DIS3L2: variants seen among roughly 807,000 people sequenced by gnomAD.
The protein encoded by DIS3L2 is DIS3-like exonuclease 2.
Under a neutral mutation model 97.5 loss-of-function variants are expected in DIS3L2, and 34 were observed. The ratio of observed to expected loss-of-function variants is 0.35; its 90% CI spans 0.27 to 0.46. The LOEUF is 0.46. Among genes scored for constraint, DIS3L2 ranks in the 20% least tolerant of loss-of-function variants. The pLI, the probability that DIS3L2 is intolerant of heterozygous loss-of-function variation, is 1.00. For synonymous variants in DIS3L2, 435 were observed against 445.2 expected (o/e 0.98, Z 0.29); for missense variants, 1,038 against 1,146.0 (o/e 0.91, Z 1.36).
At chr2:231,974,663 G>A (rs1393510636) in intron 1 of DIS3L2, among the ~76,000 whole-genome samples, 2 of 151,044 alleles carry the variant, frequency 1.3e-5, no homozygotes, top group Non-Finnish European at 2.9e-5. Flanking sequence ...AAACATGTAA[G>A]GTATATGTAT....
At chr2:232,153,607 G>A (rs1211011846) in intron 8 of DIS3L2, among the ~76,000 whole-genome samples, 3 of 83,608 alleles carry the variant, frequency 3.6e-5, no homozygotes, top group African/African-American at 5.2e-5. Flanking sequence ...AGGGTAACCC[G>A]ACCTTTCTCT....
intron 1 of DIS3L2, among the ~76,000 whole-genome samples, chr2:231,968,111 T>G (rs1477241134): frequency 6.6e-6 from 1 of 151,542 alleles, no homozygotes; most frequent in East Asian, 1.9e-4. Flanking sequence ...TTTTTTTTTT[T>G]TTTTGAGACA....
At chr2:232,001,982 A>G (rs754842188) in intron 1 of DIS3L2, among the ~76,000 whole-genome samples, 2 of 152,028 alleles carry the variant, frequency 1.3e-5, no homozygotes, top group Non-Finnish European at 2.9e-5. Flanking sequence ...TGGCCTCCCA[A>G]AGTGCTGGGA....
chr2:231,968,756 G>A (rs1250921923), intron 1 of DIS3L2, among the ~76,000 whole-genome samples: 1 of 152,114 alleles, frequency 6.6e-6, no homozygotes, highest in East Asian at 1.9e-4. Context: ...TCATATAATA[G>A]GTATATGCTT....
intron 1 of DIS3L2, among the ~76,000 whole-genome samples, chr2:231,974,409 T>C (rs1434630985): frequency 6.6e-6 from 1 of 152,162 alleles, no homozygotes; most frequent in Admixed American, 6.5e-5. Flanking sequence ...TTGTTTCATT[T>C]TGGATAATTT....
downstream of DIS3L2, among the ~76,000 whole-genome samples, chr2:232,337,448 AG>A (rs1431453764): frequency 1.3e-5 from 2 of 151,674 alleles, no homozygotes; most frequent in African/African-American, 2.4e-5. Flanking sequence ...GGGGGAGGGG[AG>A]GAGGGCCCTC....
At chr2:232,056,366 AAACAACAAC>A (rs147366104) in intron 5 of DIS3L2, among the ~76,000 whole-genome samples, 74 of 149,152 alleles carry the variant, frequency 5.0e-4, no homozygotes, top group Middle Eastern at 6.9e-3. Flanking sequence ...CTCCATCTCA[AAACAACAAC>A]AACAACAACA....
chr2:232,095,958 TTCTC>T (rs1476222453), intron 6 of DIS3L2, among the ~76,000 whole-genome samples: 1 of 151,934 alleles, frequency 6.6e-6, no homozygotes, highest in Non-Finnish European at 1.5e-5. Context: ...GTTTGTTTGT[TTCTC>T]TCTCTTTTCT....
intron 10 of DIS3L2, among the ~76,000 whole-genome samples, chr2:232,220,269 A>G (rs915170831): frequency 1.4e-4 from 22 of 152,176 alleles, no homozygotes; most frequent in African/African-American, 5.1e-4. Context: ...AGATGGCGCC[A>G]CTGCACTCCA....
intron 10 of DIS3L2, among the ~76,000 whole-genome samples, chr2:232,224,322 C>A (rs907093884): frequency 1.3e-5 from 2 of 152,126 alleles, no homozygotes; most frequent in Admixed American, 1.3e-4. Flanking sequence ...GTTTTGACCC[C>A]TACTTTATAC....
At chr2:231,990,948 A>G (rs1693567926) in intron 1 of DIS3L2, among the ~76,000 whole-genome samples, 2 of 152,120 alleles carry the variant, frequency 1.3e-5, no homozygotes, top group African/African-American at 4.8e-5. Flanking sequence ...AGCGAGAGAA[A>G]GTTTAGTTGT....
chr2:232,095,037 G>A (rs894364964), intron 6 of DIS3L2, among the ~76,000 whole-genome samples: 3 of 152,046 alleles, frequency 2.0e-5, no homozygotes, highest in Non-Finnish European at 2.9e-5. Context: ...TTCAGTTGAT[G>A]TGTGTCTTTA....
At chr2:231,981,717 G>A (rs1335003050) in intron 1 of DIS3L2, among the ~76,000 whole-genome samples, 1 of 147,468 alleles carries the variant, frequency 6.8e-6, no homozygotes, top group African/African-American at 2.5e-5. Context: ...TGCTTATTAA[G>A]TGTCCTTTTT....
At chr2:231,993,483 G>A (rs1431196300) in intron 1 of DIS3L2, among the ~76,000 whole-genome samples, 1 of 152,050 alleles carries the variant, frequency 6.6e-6, no homozygotes, top group Admixed American at 6.5e-5. Context: ...CAAAGTGCTG[G>A]GATTACAAGT....
intron 13 of DIS3L2, among the ~76,000 whole-genome samples, chr2:232,265,442 A>G (rs1273305542): frequency 6.6e-6 from 1 of 152,180 alleles, no homozygotes; most frequent in Non-Finnish European, 1.5e-5. Context: ...GCCCCACAAT[A>G]TCTCAGCCAG....
chr2:232,316,928 C>A (rs1237071968), intron 14 of DIS3L2, among the ~76,000 whole-genome samples: 2 of 152,272 alleles, frequency 1.3e-5, no homozygotes, highest in East Asian at 3.9e-4. Flanking sequence ...TGTACCGTTC[C>A]TGAAGAGGAA....
rs1695671862 is a variant in DIS3L2 at position 232,329,585 on chromosome 2, C to T, written c.1740-228C>T. 7.0e-6 allele frequency: 3 copies of T among 430,682 alleles called. No homozygotes were observed. In the South Asian group the frequency reaches 2.2e-4, roughly 31 times the overall value. The allele number at this position is 430,682 out of a possible 1,614,324, so 26.7% of individuals were successfully genotyped here. A position where few individuals can be genotyped will look rare whatever the true frequency, so the allele number is the denominator to read the frequency against. ...CTGGGAGAGCCAGCACAGGAGCTAA[C>T]CAGTCAGAGGAGAAGGCGGTGTAGA... is the stretch of plus-strand genomic sequence containing the variant. On this transcript the variant is annotated intron_variant, in intron 14 of 20. Transcript: ENST00000325385.
intron 1 of DIS3L2, among the ~76,000 whole-genome samples, chr2:231,986,858 C>G (rs1421037574): frequency 6.6e-6 from 1 of 152,148 alleles, no homozygotes; most frequent in Non-Finnish European, 1.5e-5. Context: ...AACTGAGAAC[C>G]AGGGAAACTA....
chr2:232,333,761 GGCT>G, intron 16 of DIS3L2, 76 bp from the exon 17 acceptor site: 1 of 1,443,692 alleles, frequency 6.9e-7, no homozygotes, highest in Non-Finnish European at 9.1e-7. Flanking sequence ...CCGACGGTGA[GGCT>G]GTGGGTGGTG....
Sources: allele counts gnomAD v4.1 joint callset (sites outside exome capture counted in the v4.1 genomes callset), GRCh38; gene constraint gnomAD v4.1.1; transcripts MANE v1.5; gene names NCBI Gene and HGNC (gene_info 2026-07-23, HGNC 2026-07-21).